Variants in HIBCH observed in about 807,000 individuals in gnomAD.
The protein encoded by HIBCH is 3-hydroxyisobutyryl-CoA hydrolase, mitochondrial.
HIBCH carries 50 observed loss-of-function variants against 58.2 expected under a neutral mutation model. The ratio of observed to expected loss-of-function variants is 0.86; its 90% CI spans 0.68 to 1.09. HIBCH has a LOEUF of 1.09. HIBCH is among the 50% of genes least tolerant of loss of function. HIBCH has a pLI of 0.00. For synonymous variants in HIBCH, 151 were observed against 146.9 expected (o/e 1.03, Z -0.20); for missense variants, 450 against 449.7 (o/e 1.00, Z -0.01).
intron 6 of HIBCH, among the ~76,000 whole-genome samples, chr2:190,269,052 G>A (rs1285636967): frequency 1.3e-5 from 2 of 151,978 alleles, no homozygotes; most frequent in African/African-American, 2.4e-5. Context: ...AAACTGGACC[G>A]CTCTCCTTAC....
chr2:190,246,958 C>T (rs572442984), intron 9 of HIBCH, among the ~76,000 whole-genome samples: 1 of 151,736 alleles, frequency 6.6e-6, no homozygotes, highest in Admixed American at 6.6e-5. Context: ...TTGAGACAGG[C>T]CTATGATTGC....
intron 6 of HIBCH, among the ~76,000 whole-genome samples, chr2:190,266,990 C>T (rs1192389220): frequency 1.3e-5 from 2 of 152,148 alleles, no homozygotes; most frequent in Non-Finnish European, 2.9e-5. Context: ...CTCCTGACCT[C>T]AAGTGACCCA....
intron 6 of HIBCH, among the ~76,000 whole-genome samples, chr2:190,282,780 T>A (rs1177940748): frequency 1.3e-5 from 2 of 151,994 alleles, no homozygotes; most frequent in African/African-American, 4.8e-5. Flanking sequence ...ATGTTTATTA[T>A]TTAGGGTATA....
In HIBCH at chr2:190,315,512, G is replaced by A. The variant is rs1266579488; in HGVS notation, c.35+4204C>T. Among the ~76,000 whole-genome samples, 2 of 152,200 alleles carry A rather than the reference G, an allele frequency of 1.3e-5. No individual in the cohort carries two copies. Among genetic ancestry groups the A allele is most frequent in the East Asian group, 3.8e-4 (2 of 5,200 alleles). ...GTTTAAATAAACAACTGTCTTAGAT[G>A]AGAACTTTATCACTCAGGAACTTTT... is the stretch of plus-strand genomic sequence containing the variant. On this transcript the variant is annotated intron_variant, in intron 1 of 13. Coordinates refer to ENST00000359678, the MANE Select transcript of HIBCH (RefSeq NM_014362.4). The surrounding 1 kb of genome is among the most constrained non-coding windows in gnomAD (Gnocchi z 5.4).
At chr2:190,252,114 T>G (rs1378908125) in intron 8 of HIBCH, 48 bp downstream of exon 8, 1 of 1,585,766 alleles carries the variant, frequency 6.3e-7, no homozygotes, top group Non-Finnish European at 8.7e-7. Context: ...ATGCACTATT[T>G]TGTGTTGTTA....
Position 190,316,399 on chromosome 2 carries a change from C to T in HIBCH, c.35+3317G>A, listed in dbSNP as rs1257481561. On this transcript the variant is annotated intron_variant, in intron 1 of 13. Coordinates refer to ENST00000359678, the MANE Select transcript of HIBCH (RefSeq NM_014362.4). ...TCAGCCACCCAAAGTGCTGGCATTA[C>T]AGACTTGAGTCACCATGCCCAGCCG... 2.0e-5 allele frequency among the ~76,000 whole-genome samples: 3 copies of T among 152,254 alleles called. No homozygotes were observed. In the East Asian group the frequency reaches 5.8e-4, roughly 29 times the overall value.
chr2:190,268,284 T>TTA (rs1178520632), intron 6 of HIBCH, among the ~76,000 whole-genome samples: 1 of 152,208 alleles, frequency 6.6e-6, no homozygotes, highest in Non-Finnish European at 1.5e-5. Context: ...TGCCTTATAT[T>TTA]TATGGTGTCC....
At chr2:190,266,593 C>G (rs1219853601) in intron 6 of HIBCH, among the ~76,000 whole-genome samples, 2 of 151,826 alleles carry the variant, frequency 1.3e-5, no homozygotes, top group African/African-American at 4.8e-5. Context: ...ACTGCCACAC[C>G]CAGCTAATTT....
intron 6 of HIBCH, among the ~76,000 whole-genome samples, chr2:190,286,862 T>A (rs1403974329): frequency 1.2e-4 from 17 of 147,262 alleles, no homozygotes; most frequent in East Asian, 1.0e-3. Flanking sequence ...ATACTGAATT[T>A]AAAAAAAAAA....
At position 190,209,956 on chromosome 2, in the gene HIBCH, G is replaced by A. The variant is rs1278551014; in HGVS notation, c.1012-1043C>T. On this transcript the variant is annotated intron_variant, in intron 12 of 13. Transcript: ENST00000359678. This position sits in a 1 kb window ranked among gnomAD's most constrained non-coding sequence, Gnocchi z 5.6. ...TAATCCACATCCAAGCACAGTGTCC[G>A]ACACTAAGTGTTCAGTAAATATTAA... Among the ~76,000 whole-genome samples, 2 of 152,110 alleles carry A rather than the reference G, an allele frequency of 1.3e-5. No individual in the cohort carries two copies. The highest frequency in any genetic ancestry group is 1.9e-4 in the East Asian group (1 of 5,200).
At chr2:190,288,758 C>G (rs149554761) in intron 5 of HIBCH, among the ~76,000 whole-genome samples, 2 of 152,274 alleles carry the variant, frequency 1.3e-5, no homozygotes, top group African/African-American at 4.8e-5. Context: ...GCAGCGGCCT[C>G]TATTTGTCTA....
At chr2:190,297,162 T>C (rs1575757649) in intron 2 of HIBCH, among the ~76,000 whole-genome samples, 2 of 152,362 alleles carry the variant, frequency 1.3e-5, no homozygotes, top group Admixed American at 1.3e-4. Context: ...TAAATTTTTA[T>C]TTCTGAGCTA....
chr2:190,296,692 G>C, intron 3 of HIBCH, 121 bp downstream of exon 3: 3 of 904,208 alleles, frequency 3.3e-6, no homozygotes, highest in Non-Finnish European at 5.3e-6. Context: ...AGAATTGATG[G>C]GGCTTACTTA....
Position 190,204,906 on chromosome 2 carries a change from T to C in HIBCH, c.*211A>G. ...CACAGATAATATATAAACAGATGAG[T>C]ATAGCTAGTTCCAATAAAGCTTTAT... On this transcript the variant is annotated 3_prime_UTR_variant, in exon 14 of 14. Coordinates refer to ENST00000359678, the MANE Select transcript of HIBCH (RefSeq NM_014362.4). The C allele has an allele frequency of 1.8e-6, 1 of 557,142 alleles. No homozygotes were observed. Among genetic ancestry groups the C allele is most frequent in the South Asian group, 2.0e-5 (1 of 50,146 alleles). The allele number at this position is 557,142 out of a possible 1,614,324, so 34.5% of individuals were successfully genotyped here.
chr2:190,275,871 T>C (rs1687534768), intron 6 of HIBCH, among the ~76,000 whole-genome samples: 1 of 152,192 alleles, frequency 6.6e-6, no homozygotes, highest in Non-Finnish European at 1.5e-5. Flanking sequence ...GTTTACACAA[T>C]TCTGACTGAA....
chr2:190,247,870 A>C (rs1686653888), intron 9 of HIBCH, among the ~76,000 whole-genome samples: 1 of 152,228 alleles, frequency 6.6e-6, no homozygotes, highest in East Asian at 1.9e-4. Context: ...ATAAATTAAT[A>C]AGATACGTAC....
chr2:190,309,144 G>A (rs555850370), intron 2 of HIBCH, among the ~76,000 whole-genome samples: 1 of 152,196 alleles, frequency 6.6e-6, no homozygotes, highest in African/African-American at 2.4e-5. Context: ...TTATATTTAT[G>A]CACCAAACCA....
intron 1 of HIBCH, among the ~76,000 whole-genome samples, chr2:190,192,409 G>A (rs921204716): frequency 2.7e-5 from 4 of 149,168 alleles, no homozygotes; most frequent in African/African-American, 5.0e-5. Flanking sequence ...TCTCAAAATT[G>A]TTTTGGCCAT....
intron 4 of HIBCH, among the ~76,000 whole-genome samples, 197 bp from the exon 5 acceptor site, chr2:190,290,682 C>T (rs551504793): frequency 6.6e-6 from 1 of 152,246 alleles, no homozygotes; most frequent in South Asian, 2.1e-4. Flanking sequence ...AGCTTCAAGG[C>T]AAAAATTCCT....
Sources: allele counts gnomAD v4.1 joint callset (sites outside exome capture counted in the v4.1 genomes callset), GRCh38; gene constraint gnomAD v4.1.1; non-coding constraint Gnocchi (gnomAD v3.1); transcripts MANE v1.5; gene names NCBI Gene and HGNC (gene_info 2026-07-23, HGNC 2026-07-21).